Variants in ASIC1 observed in about 807,000 individuals in gnomAD.
ASIC1 encodes acid-sensing ion channel 1.
ASIC1 carries 21 observed loss-of-function variants against 63.4 expected under a neutral mutation model. That is an observed-to-expected ratio of 0.33 (90% CI 0.23 to 0.48). The LOEUF (loss-of-function observed/expected upper bound fraction) is 0.48, where lower values mean the gene tolerates loss of function less well. Ranked by LOEUF, ASIC1 falls within the 20% of genes least tolerant of loss-of-function variation. ASIC1 has a pLI of 0.99. For missense variants in ASIC1, 478 were observed against 695.5 expected (o/e 0.69, Z 3.52); for synonymous variants, 258 against 278.2 (o/e 0.93, Z 0.72).
chr12:50,078,785 AC>A lies in ASIC1; in HGVS notation c.995-138del, dbSNP rs1950684945. 1 of 1,317,118 alleles carries A rather than the reference AC, an allele frequency of 7.6e-7. No homozygotes were observed. The highest frequency in any genetic ancestry group is 1.1e-6 in the Non-Finnish European group (1 of 918,324). The allele number at this position is 1,317,118 out of a possible 1,614,324, so 81.6% of individuals were successfully genotyped here. ...AGAAGGTATGGACCTGGAGTGGGTCACTTCTGGGGCAGCATGGGGGCCTGCC... is the reference window on the plus strand; with the variant it reads ...AGAAGGTATGGACCTGGAGTGGGTCATTCTGGGGCAGCATGGGGGCCTGCC... On this transcript the variant is annotated intron_variant, in intron 6 of 11. Coordinates refer to ENST00000447966, the MANE Select transcript of ASIC1 (RefSeq NM_001095.4). This position sits in a 1 kb window ranked among gnomAD's most constrained non-coding sequence, Gnocchi z 6.0.
Position 50,082,395 on chromosome 12 carries a change from C to G in ASIC1, c.*746C>G, listed in dbSNP as rs1950729994. ...AGACCGGGCTGGTTAGCGTCCAGCTCAGGGAGAAGGGCGCTAGTGCCTAAC... is the reference window on the plus strand; with the variant it reads ...AGACCGGGCTGGTTAGCGTCCAGCTGAGGGAGAAGGGCGCTAGTGCCTAAC... On this transcript the variant is annotated 3_prime_UTR_variant, in exon 12 of 12. Coordinates refer to ENST00000447966, the MANE Select transcript of ASIC1 (RefSeq NM_001095.4). 6.6e-6 allele frequency: 1 copy of G among 152,544 alleles called. No homozygotes were observed. The highest frequency in any genetic ancestry group is 6.5e-5 in the Admixed American group (1 of 15,268). 9.4% of individuals were successfully genotyped at this position (152,544 alleles called of 1,614,324 possible).
intron 3 of ASIC1, among the ~76,000 whole-genome samples, chr12:50,060,767 A>C (rs772011966): frequency 6.6e-6 from 1 of 152,224 alleles, no homozygotes; most frequent in Non-Finnish European, 1.5e-5. Flanking sequence ...TGGGCAAGTC[A>C]CACAGATTCC....
intron 4 of ASIC1, 47 bp from the exon 5 acceptor site, chr12:50,077,953 T>A (rs756134699): frequency 6.3e-7 from 1 of 1,575,910 alleles, no homozygotes; most frequent in South Asian, 1.2e-5. Flanking sequence ...TGAGGGGTGT[T>A]AGGGAGTCAG....
chr12:50,081,282 G>A lies in ASIC1; in HGVS notation c.1400G>A (p.Arg467Gln), dbSNP rs374843091. 3.1e-6 allele frequency: 5 copies of A among 1,609,810 alleles called. No individual in the cohort carries two copies. Among genetic ancestry groups the A allele is most frequent in the Middle Eastern group, 1.6e-4 (1 of 6,062 alleles). ...AYEVIKHKLCRRGKCQKEAKR... is the reference protein window; with the variant it reads ...AYEVIKHKLCQRGKCQKEAKR... ...TAGGTCATTAAGCACAAGCTGTGCC[G>A]ACGAGGAAAATGCCAGAAGGAGGCC... is the stretch of plus-strand genomic sequence containing the variant. Residue 467 changes from arginine to glutamine, a missense_variant, in exon 11 of 12, where the codon CGA (arginine) becomes CAA (glutamine). By Grantham distance (43) the Arg-to-Gln change is conservative. This residue lies in a region of ASIC1 where 104 missense variants were observed against 97.0 expected (regional missense o/e 1.07). Coordinates refer to ENST00000447966, the MANE Select transcript of ASIC1 (RefSeq NM_001095.4).
intron 3 of ASIC1, chr12:50,073,977 G>A: frequency 6.5e-7 from 1 of 1,535,868 alleles, no homozygotes; most frequent in South Asian, 1.2e-5. Flanking sequence ...CCACGGAGCT[G>A]GCCTTCCCGG....
Position 50,081,349 on chromosome 12 carries a change from C to T in ASIC1, c.1467C>T (p.Asp489=), listed in dbSNP as rs760731378. 2.5e-6 allele frequency: 4 copies of T among 1,605,668 alleles called. No homozygotes were observed. Among genetic ancestry groups the T allele is most frequent in the African/African-American group, 1.3e-5 (1 of 74,900 alleles). Residue 489 remains aspartate, a synonymous_variant, in exon 11 of 12, where the codon GAC becomes GAT. Coordinates refer to ENST00000447966, the MANE Select transcript of ASIC1 (RefSeq NM_001095.4). ...ACAAGGGCGTGGCCCTCAGCCTGGACGACGTCAAAAGACACGTGAGGGAGC... is the reference window on the plus strand; with the variant it reads ...ACAAGGGCGTGGCCCTCAGCCTGGATGACGTCAAAAGACACGTGAGGGAGC... The part of the protein sequence containing the change: ...SADKGVALSL[D]DVKRHNPCES...
intron 7 of ASIC1, 47 bp downstream of exon 7, chr12:50,079,027 G>T: frequency 6.3e-7 from 1 of 1,582,092 alleles, no homozygotes; most frequent in South Asian, 1.1e-5. Flanking sequence ...AAAAGGTGCT[G>T]CCAGCCACGT....
At chr12:50,062,106 C>T (rs1950506133) in intron 3 of ASIC1, among the ~76,000 whole-genome samples, 1 of 152,144 alleles carries the variant, frequency 6.6e-6, no homozygotes. Flanking sequence ...TCATTGCCAG[C>T]CCCTCTCCAT....
At chr12:50,072,203 C>A (rs1458136950) in intron 3 of ASIC1, among the ~76,000 whole-genome samples, 1 of 152,158 alleles carries the variant, frequency 6.6e-6, no homozygotes, top group Admixed American at 6.5e-5. Flanking sequence ...GGGAACATGG[C>A]CTGGGGCTAG....
At chr12:50,069,952 A>G (rs549392539) in intron 3 of ASIC1, among the ~76,000 whole-genome samples, 4 of 152,070 alleles carry the variant, frequency 2.6e-5, no homozygotes, top group Non-Finnish European at 5.9e-5. Flanking sequence ...CAGTTTTCTC[A>G]CTTGTCAGAT....
At chr12:50,073,863 G>A (rs770705299) in intron 3 of ASIC1, 21 of 1,531,560 alleles carry the variant, frequency 1.4e-5, no homozygotes, top group South Asian at 1.1e-4. Context: ...TGCTGTGGGC[G>A]GTGGCCTTTG....
Position 50,074,385 on chromosome 12 carries a change from G to C in ASIC1, c.559-2828G>C. ...CCCCCTACCTCATCTGGCTGACACA[G>C]GCCAGAGCTCACCCAGGAGTCCGGG... is the stretch of plus-strand genomic sequence containing the variant. On this transcript the variant is annotated intron_variant, in intron 3 of 11. Coordinates refer to ENST00000447966, the MANE Select transcript of ASIC1 (RefSeq NM_001095.4). This position sits in a 1 kb window ranked among gnomAD's most constrained non-coding sequence, Gnocchi z 4.2. 7.4e-7 allele frequency: 1 copy of C among 1,355,716 alleles called. No homozygotes were observed. Among genetic ancestry groups the C allele is most frequent in the Non-Finnish European group, 9.5e-7 (1 of 1,047,610 alleles). The allele number at this position is 1,355,716 out of a possible 1,614,324, so 84.0% of individuals were successfully genotyped here.
At chr12:50,076,155 G>C (rs1950652775) in intron 3 of ASIC1, among the ~76,000 whole-genome samples, 1 of 152,266 alleles carries the variant, frequency 6.6e-6, no homozygotes, top group African/African-American at 2.4e-5. Context: ...CAAGGGGCTA[G>C]GGGCTGAATG....
chr12:50,071,134 T>C (rs1041084519), intron 3 of ASIC1, among the ~76,000 whole-genome samples: 3 of 152,040 alleles, frequency 2.0e-5, no homozygotes, highest in Admixed American at 1.3e-4. Context: ...GTGAGTAGGA[T>C]CTTGAAAAAT....
rs765542244 is a variant in ASIC1, at chr12:50,081,879, G to A, written c.*230G>A. 2.1e-4 allele frequency: 114 copies of A among 550,552 alleles called. No individual in the cohort carries two copies. Among genetic ancestry groups the A allele is most frequent in the Non-Finnish European group, 1.2e-4 (38 of 309,586 alleles). 34.1% of individuals were successfully genotyped at this position (550,552 alleles called of 1,614,324 possible). A position where few individuals can be genotyped will look rare whatever the true frequency, so the allele number is the denominator to read the frequency against. On this transcript the variant is annotated 3_prime_UTR_variant, in exon 12 of 12. Transcript: ENST00000447966. ...TAAAAAAGAACTAAAAAGGGAGAAC[G>A]GGGCAAGGGACCTCAGGCTGCCCCT... is the stretch of plus-strand genomic sequence containing the variant.
chr12:50,064,237 C>T (rs557708524), intron 3 of ASIC1, among the ~76,000 whole-genome samples: 1 of 152,226 alleles, frequency 6.6e-6, no homozygotes, highest in South Asian at 2.1e-4. Flanking sequence ...TCTCATCTGT[C>T]CCTCTCTCCT....
chr12:50,061,905 G>A (rs1404741792), intron 3 of ASIC1, among the ~76,000 whole-genome samples: 1 of 152,172 alleles, frequency 6.6e-6, no homozygotes, highest in Non-Finnish European at 1.5e-5. Flanking sequence ...GGAGCAGTCT[G>A]AATTATTCCT....
At chr12:50,069,076 C>T (rs1950572825) in intron 3 of ASIC1, among the ~76,000 whole-genome samples, 1 of 152,150 alleles carries the variant, frequency 6.6e-6, no homozygotes, top group African/African-American at 2.4e-5. Flanking sequence ...CCTTTACCCA[C>T]CTCTCCAGCC....
At chr12:50,071,253 A>G (rs1046440618) in intron 3 of ASIC1, among the ~76,000 whole-genome samples, 1 of 147,166 alleles carries the variant, frequency 6.8e-6, no homozygotes, top group Non-Finnish European at 1.5e-5. Flanking sequence ...GGTGGAGGGT[A>G]CATTGCTTTC....
Sources: allele counts gnomAD v4.1 joint callset (sites outside exome capture counted in the v4.1 genomes callset), GRCh38; gene constraint gnomAD v4.1.1; regional missense constraint gnomAD v4.1.1; non-coding constraint Gnocchi (gnomAD v3.1); transcripts MANE v1.5; gene names NCBI Gene and HGNC (gene_info 2026-07-23, HGNC 2026-07-21).